Variants in WDR82 observed in about 807,000 individuals in gnomAD.
WDR82 encodes the protein WD repeat-containing protein 82.
WDR82 carries 8 observed loss-of-function variants against 36.1 expected under a neutral mutation model. The ratio of observed to expected loss-of-function variants is 0.22; its 90% CI spans 0.13 to 0.40. The LOEUF is 0.40. Among genes scored for constraint, WDR82 ranks in the 10% least tolerant of loss-of-function variants. WDR82 has a pLI of 1.00. For missense variants in WDR82, 185 were observed against 400.5 expected, an observed-to-expected ratio of 0.46 and a Z score of 4.59; for synonymous variants, 129 against 137.8, an observed-to-expected ratio of 0.94 and a Z score of 0.45.
intron 8 of WDR82, 54 bp downstream of exon 8, chr3:52,258,482 C>T (rs1174746822): frequency 6.2e-7 from 1 of 1,607,978 alleles, no homozygotes; most frequent in Non-Finnish European, 8.5e-7. Flanking sequence ...AGGCACCCAC[C>T]ACCCCAACTG....
At chr3:52,273,848 C>T (rs1031000252) in intron 1 of WDR82, among the ~76,000 whole-genome samples, 2 of 152,158 alleles carry the variant, frequency 1.3e-5, no homozygotes, top group African/African-American at 4.8e-5. Flanking sequence ...GTTTTGAACT[C>T]CTGACCCAGG....
At chr3:52,257,569 GC>G (rs759810137) in intron 8 of WDR82, 50 bp from the exon 9 acceptor site, 2 of 1,611,932 alleles carry the variant, frequency 1.2e-6, no homozygotes, top group African/African-American at 2.7e-5. Flanking sequence ...TCTCCTCACT[GC>G]CAACGGTTCT....
chr3:52,278,397 C>A lies in WDR82; in HGVS notation c.-36G>T. The A allele has an allele frequency of 7.4e-7, 1 of 1,350,942 alleles. No homozygotes were observed. Among genetic ancestry groups the A allele is most frequent in the Non-Finnish European group, 9.6e-7 (1 of 1,045,678 alleles). The allele number at this position is 1,350,942 out of a possible 1,614,324, so 83.7% of individuals were successfully genotyped here. On this transcript the variant is annotated 5_prime_UTR_variant, in exon 1 of 9. Transcript: ENST00000296490. ...GGGGAAGGCAGCGGCGGCGCAGGGCCGGGGCGGGGCCCGGCGGCGAGCGGG... is the reference window on the plus strand; with the variant it reads ...GGGGAAGGCAGCGGCGGCGCAGGGCAGGGGCGGGGCCCGGCGGCGAGCGGG...
chr3:52,278,346 T>G lies in WDR82; in HGVS notation c.16A>C (p.Ser6Arg), dbSNP rs1297708502. Residue 6 changes from serine to arginine, a missense_variant, in exon 1 of 9, where the codon AGC (serine) becomes CGC (arginine). By Grantham distance (110) the Ser-to-Arg change is moderately radical. This residue lies in a region of WDR82 where 49 missense variants were observed against 80.6 expected (regional missense o/e 0.61). Coordinates refer to ENST00000296490, the MANE Select transcript of WDR82 (RefSeq NM_025222.4). ...GCGACGCGGAAGCTCCGCAACACGC[T>G]GTCGGTCAGCTTCATGGCGGCGGCT... Reference protein sequence around the residue: MKLTDSVLRSFRVAKV... With the variant: MKLTDRVLRSFRVAKV... 1 of 1,583,282 alleles carries G rather than the reference T, an allele frequency of 6.3e-7. No homozygotes were observed. The highest frequency in any genetic ancestry group is 8.6e-7 in the Non-Finnish European group (1 of 1,167,448).
At chr3:52,258,703 G>C (rs774123117) in intron 7 of WDR82, 25 bp from the exon 8 acceptor site, 3 of 1,614,068 alleles carry the variant, frequency 1.9e-6, no homozygotes, top group South Asian at 2.2e-5. Context: ...CACGGAAAAT[G>C]TAACAGCTCA....
In WDR82 at chr3:52,268,050, G is replaced by A. The variant is rs1477113524; in HGVS notation, c.260-1032C>T. 3 of 248,014 alleles carry A rather than the reference G, an allele frequency of 1.2e-5. No individual in the cohort carries two copies. The South Asian group carries it at 1.2e-4, about 10-fold the overall frequency. The allele number at this position is 248,014 out of a possible 1,614,324, so 15.4% of individuals were successfully genotyped here. A position where few individuals can be genotyped will look rare whatever the true frequency, so the allele number is the denominator to read the frequency against. On this transcript the variant is annotated intron_variant, in intron 2 of 8. Transcript: ENST00000296490. Reference sequence around the variant, plus strand: ...ATTTAACTTGGGAGGGGGAATAGGGGAATAGGGATATTTGTATATTCCATA... The same window carrying A: ...ATTTAACTTGGGAGGGGGAATAGGGAAATAGGGATATTTGTATATTCCATA...
At chr3:52,261,303 CTTCT>C (rs1007490205) in intron 4 of WDR82, 73 bp downstream of exon 4, 7 of 1,262,892 alleles carry the variant, frequency 5.5e-6, no homozygotes, top group Middle Eastern at 2.1e-4. Flanking sequence ...TGTTTTCTCC[CTTCT>C]TTGAGAGGTA....
chr3:52,266,808 T>G, intron 3 of WDR82, 144 bp downstream of exon 3: 1 of 671,076 alleles, frequency 1.5e-6, no homozygotes, highest in Non-Finnish European at 2.6e-6. Flanking sequence ...AAATCAAGAG[T>G]TGACTATTTA....
intron 8 of WDR82, 27 bp downstream of exon 8, chr3:52,258,509 A>T: frequency 6.2e-7 from 1 of 1,612,432 alleles, no homozygotes; most frequent in Non-Finnish European, 8.5e-7. Flanking sequence ...GTCCCTGAGT[A>T]GCAGATACCT....
At chr3:52,261,673 T>A (rs886441244) in intron 3 of WDR82, among the ~76,000 whole-genome samples, 194 bp from the exon 4 acceptor site, 4 of 151,656 alleles carry the variant, frequency 2.6e-5, no homozygotes, top group African/African-American at 4.8e-5. Flanking sequence ...AAAAAAAAAA[T>A]TTAAAGCTAC....
intron 3 of WDR82, 102 bp from the exon 4 acceptor site, chr3:52,261,581 C>G: frequency 1.2e-6 from 1 of 868,694 alleles, no homozygotes; most frequent in Non-Finnish European, 1.6e-6. Flanking sequence ...TATACCTGTT[C>G]TCCCAAAATT....
intron 1 of WDR82, 144 bp from the exon 2 acceptor site, chr3:52,270,953 C>A: frequency 1.9e-6 from 1 of 534,976 alleles, no homozygotes. Flanking sequence ...CAACTTCTTC[C>A]AAAAGGGAAA....
intron 1 of WDR82, among the ~76,000 whole-genome samples, chr3:52,275,653 A>C (rs1316664434): frequency 6.6e-6 from 1 of 152,298 alleles, no homozygotes; most frequent in East Asian, 1.9e-4. Flanking sequence ...TGGGAGGCTG[A>C]GGCGGGTAGA....
In WDR82 at chr3:52,266,472, C is replaced by A. The variant is rs1161377223; in HGVS notation, c.326+480G>T. Among the ~76,000 whole-genome samples the A allele has an allele frequency of 1.1e-4, 17 of 152,242 alleles. No homozygotes were observed. The South Asian group carries it at 2.3e-3, about 20-fold the overall frequency. On this transcript the variant is annotated intron_variant, in intron 3 of 8. Coordinates refer to ENST00000296490, the MANE Select transcript of WDR82 (RefSeq NM_025222.4). ...TATATCTTTGAGACGGAGTCTCACT[C>A]TGTCGCCCAAGCTGGAGTGCAGTGG...
In WDR82 at chr3:52,269,375, T is replaced by A. The variant is rs185847248; in HGVS notation, c.259+1337A>T. Among the ~76,000 whole-genome samples the A allele has an allele frequency of 2.6e-4, 40 of 152,296 alleles. No homozygotes were observed. The Middle Eastern group carries it at 0.01, about 39-fold the overall frequency. On this transcript the variant is annotated intron_variant, in intron 2 of 8. Transcript: ENST00000296490. ...CTGTAATACCAGCTACTTGGGAGGC[T>A]GAGGCAAGAGCATCGCTTGAACCCA...
At chr3:52,267,860 G>A (rs1700119492) in intron 2 of WDR82, 1 of 155,608 alleles carries the variant, frequency 6.4e-6, no homozygotes. Context: ...AAAAGACTAG[G>A]AATAAGGAAA....
intron 1 of WDR82, among the ~76,000 whole-genome samples, chr3:52,277,939 T>C (rs1700220952): frequency 1.3e-5 from 2 of 151,986 alleles, no homozygotes; most frequent in African/African-American, 4.8e-5. Context: ...AAGGTGGGGT[T>C]TGGCAAGTGA....
At chr3:52,266,049 A>G (rs1019466471) in intron 3 of WDR82, among the ~76,000 whole-genome samples, 1 of 152,196 alleles carries the variant, frequency 6.6e-6, no homozygotes, top group Non-Finnish European at 1.5e-5. Context: ...GAAAAGTTGA[A>G]AAATTAGAGA....
intron 2 of WDR82, chr3:52,268,138 G>A (rs1443280055): frequency 6.9e-6 from 2 of 291,610 alleles, no homozygotes; most frequent in Non-Finnish European, 1.5e-5. Flanking sequence ...CAACTACGAA[G>A]TATTTCTAGT....
Sources: gnomAD v4.1 joint callset for allele counts (sites outside exome capture counted in the v4.1 genomes callset) on GRCh38, gnomAD v4.1.1 for gene constraint, gnomAD v4.1.1 regional missense constraint, MANE v1.5 for transcripts, NCBI Gene and HGNC (gene_info 2026-07-23, HGNC 2026-07-21) for gene names.